SORBS2: variants seen among roughly 807,000 people sequenced by gnomAD.
SORBS2 encodes sorbin and SH3 domain containing 2.
Under a neutral mutation model 97.7 loss-of-function variants are expected in SORBS2, and 46 were observed. That is an observed-to-expected ratio of 0.47 (90% CI 0.37 to 0.60). The LOEUF is 0.60. Among genes scored for constraint, SORBS2 ranks in the 20% least tolerant of loss-of-function variants. SORBS2 has a pLI of 0.00. For synonymous variants in SORBS2, 476 were observed against 473.4 expected (o/e 1.01, Z -0.07); for missense variants, 1,316 against 1,282.3 (o/e 1.03, Z -0.40).
At chr4:185,601,597 C>T (rs1580674808) in intron 12 of SORBS2, among the ~76,000 whole-genome samples, 1 of 152,258 alleles carries the variant, frequency 6.6e-6, no homozygotes, top group African/African-American at 2.4e-5. Flanking sequence ...TATATTTCTA[C>T]GTTGTTTAAG....
intron 12 of SORBS2, among the ~76,000 whole-genome samples, chr4:185,601,307 A>G (rs1456799091): frequency 6.6e-6 from 1 of 152,164 alleles, no homozygotes; most frequent in Non-Finnish European, 1.5e-5. Context: ...ACATTTCCTG[A>G]CTTGTAGCTG....
intron 2 of SORBS2, among the ~76,000 whole-genome samples, chr4:185,695,517 A>T (rs77886260): frequency 6.1e-5 from 8 of 131,150 alleles, no homozygotes; most frequent in Admixed American, 7.7e-5. Context: ...TTTTTTTTTT[A>T]AAGAGATGTA....
In SORBS2 at chr4:185,593,685, A is replaced by C. The variant is rs1022597365; in HGVS notation, c.2846+201T>G. 3 of 541,036 alleles carry C rather than the reference A, an allele frequency of 5.5e-6. No individual in the cohort carries two copies. The African/African-American group carries it at 5.8e-5, about 11-fold the overall frequency. The allele number at this position is 541,036 out of a possible 1,614,324, so 33.5% of individuals were successfully genotyped here. ...AGTGTGTCAATTAAAATCTTCTCAG[A>C]GAACTATGGGTTCTTTTAAAAATTA... On this transcript the variant is annotated intron_variant, in intron 13 of 14. Transcript: ENST00000418609.
At chr4:185,869,631 A>G (rs1048776920) in intron 1 of SORBS2, among the ~76,000 whole-genome samples, 1 of 152,246 alleles carries the variant, frequency 6.6e-6, no homozygotes, top group Non-Finnish European at 1.5e-5. Flanking sequence ...GATGCTGGAA[A>G]ATGTAGTTGT....
rs550315573 is a variant in SORBS2 at position 185,612,539 on chromosome 4, G to C, written c.2596-559C>G. 1.3e-3 allele frequency among the ~76,000 whole-genome samples: 200 copies of C among 150,754 alleles called. 1 individual carries two copies. The Middle Eastern group carries it at 0.017, about 13-fold the overall frequency. ...GAATCTCACTCTGTCACCCGGGCTG[G>C]AGTGCAGTGGTGTGATCATGGCTCA... On this transcript the variant is annotated intron_variant, in intron 11 of 14. Coordinates refer to ENST00000418609, the Ensembl canonical transcript of SORBS2.
intron 1 of SORBS2, among the ~76,000 whole-genome samples, chr4:185,946,137 T>G (rs150827936): frequency 6.9e-6 from 1 of 144,312 alleles, no homozygotes; most frequent in Non-Finnish European, 1.5e-5. Flanking sequence ...GTGTGTGACA[T>G]GTGTCTCCCT....
exon 1 of SORBS2, chr4:185,656,779 T>C: frequency 6.8e-7 from 1 of 1,460,678 alleles, no homozygotes; most frequent in Non-Finnish European, 9.0e-7. Context: ...CCAGATACAC[T>C]GAGCAATGCT....
At chr4:185,876,471 T>A (rs1374859308) in intron 1 of SORBS2, among the ~76,000 whole-genome samples, 1 of 152,232 alleles carries the variant, frequency 6.6e-6, no homozygotes, top group Non-Finnish European at 1.5e-5. Context: ...AAATGGGATT[T>A]ACTAATGTAT....
At chr4:185,601,982 AATGG>A (rs1437730395) in intron 12 of SORBS2, among the ~76,000 whole-genome samples, 1 of 152,210 alleles carries the variant, frequency 6.6e-6, no homozygotes, top group Non-Finnish European at 1.5e-5. Context: ...CTCGGATGGA[AATGG>A]AGGCTCAGCT....
chr4:185,646,129 G>C (rs2153454195), intron 4 of SORBS2: 1 of 152,300 alleles, frequency 6.6e-6, no homozygotes, highest in South Asian at 2.1e-4. Flanking sequence ...AGGGCATTTG[G>C]AAAATTCTCC....
chr4:185,744,876 CT>C (rs1246223859), intron 2 of SORBS2, among the ~76,000 whole-genome samples: 2 of 152,222 alleles, frequency 1.3e-5, no homozygotes, highest in East Asian at 3.8e-4. Context: ...AGGGAAGACC[CT>C]CTGGCAAAGG....
At chr4:185,851,392 A>G (rs6827452) in intron 1 of SORBS2, among the ~76,000 whole-genome samples, 34,822 of 152,144 alleles carry the variant, frequency 0.23, 4,504 homozygotes, top group Middle Eastern at 0.35. Flanking sequence ...GAAATATAAT[A>G]ATATGATTAT....
chr4:185,663,306 A>G (rs143955712), intron 4 of SORBS2, among the ~76,000 whole-genome samples: 80 of 152,356 alleles, frequency 5.3e-4, no homozygotes, highest in African/African-American at 1.9e-3. Context: ...GGCTTGAAAC[A>G]TAGATATAGT....
chr4:185,810,016 T>C (rs1187020131), intron 1 of SORBS2, among the ~76,000 whole-genome samples: 4 of 152,244 alleles, frequency 2.6e-5, no homozygotes, highest in South Asian at 4.1e-4. Context: ...TCAGCTCATA[T>C]AGAATCCCTT....
chr4:185,922,974 C>G (rs2099261620), intron 1 of SORBS2, among the ~76,000 whole-genome samples: 1 of 152,132 alleles, frequency 6.6e-6, no homozygotes, highest in Admixed American at 6.5e-5. Context: ...AGATACAAAC[C>G]CTGAACGAAG....
chr4:185,858,255 G>A (rs1329028714), intron 1 of SORBS2, among the ~76,000 whole-genome samples: 1 of 152,146 alleles, frequency 6.6e-6, no homozygotes, highest in Non-Finnish European at 1.5e-5. Flanking sequence ...TGGCTTTATA[G>A]GAAGAGGAAG....
At chr4:185,921,071 A>T (rs540948909) in intron 1 of SORBS2, among the ~76,000 whole-genome samples, 34 of 152,214 alleles carry the variant, frequency 2.2e-4, no homozygotes, top group Non-Finnish European at 4.0e-4. Flanking sequence ...GTCAATTACG[A>T]GGCTGGCTTC....
intron 1 of SORBS2, among the ~76,000 whole-genome samples, chr4:185,878,306 A>G (rs2099234816): frequency 6.6e-6 from 1 of 152,230 alleles, no homozygotes; most frequent in African/African-American, 2.4e-5. Context: ...CTGAAAAGCA[A>G]TACATTTTGT....
intron 2 of SORBS2, among the ~76,000 whole-genome samples, chr4:185,765,528 T>C (rs2098929556): frequency 6.6e-6 from 1 of 152,220 alleles, no homozygotes; most frequent in Non-Finnish European, 1.5e-5. Flanking sequence ...AAAATCTCAC[T>C]GCAATCAAGC....
Sources: allele counts gnomAD v4.1 joint callset (sites outside exome capture counted in the v4.1 genomes callset), GRCh38; gene constraint gnomAD v4.1.1; transcripts MANE v1.5; gene names NCBI Gene and HGNC (gene_info 2026-07-23, HGNC 2026-07-21).